The following DOCK4 variants were observed in gnomAD, a reference collection of about 807,000 sequenced individuals.
DOCK4 encodes dedicator of cytokinesis 4, also known as dedicator of cytokinesis protein 4.
DOCK4 carries 97 observed loss-of-function variants against 268.1 expected under a neutral mutation model. The observed-to-expected ratio is 0.36, with a 90% CI of 0.31 to 0.43. DOCK4 has a LOEUF of 0.43. DOCK4 is among the 20% of genes least tolerant of loss of function. DOCK4 has a pLI of 1.00. For missense variants in DOCK4, 2,145 were observed against 2,455.7 expected (o/e 0.87, Z 2.67); for synonymous variants, 954 against 887.2 (o/e 1.08, Z -1.34).
intron 16 of DOCK4, among the ~76,000 whole-genome samples, chr7:111,884,468 A>G (rs921013961): frequency 6.6e-6 from 1 of 152,236 alleles, no homozygotes; most frequent in Non-Finnish European, 1.5e-5. Context: ...TTTGAATTCA[A>G]GTAATTAATT....
chr7:112,110,540 C>T (rs1563094310), intron 1 of DOCK4, among the ~76,000 whole-genome samples: 1 of 152,210 alleles, frequency 6.6e-6, no homozygotes, highest in Admixed American at 6.5e-5. Context: ...ATGGTGAACA[C>T]GATCTTCAGG....
chr7:112,060,307 C>T (rs1372768760), intron 1 of DOCK4, among the ~76,000 whole-genome samples: 1 of 152,130 alleles, frequency 6.6e-6, no homozygotes, highest in African/African-American at 2.4e-5. Flanking sequence ...ATCAAAAAAA[C>T]CCCAGAAACT....
At chr7:111,868,446 C>G (rs1335360879) in intron 21 of DOCK4, among the ~76,000 whole-genome samples, 2 of 152,196 alleles carry the variant, frequency 1.3e-5, no homozygotes, top group Non-Finnish European at 2.9e-5. Flanking sequence ...CACGGTGGCT[C>G]ACGCCTGTAA....
At position 112,101,970 on chromosome 7, in the gene DOCK4, G is replaced by T. The variant is rs553597704; in HGVS notation, c.38-97839C>A. ...CCATTCTCCCGCCTCAGCCTCCGGAGTAGCTGGGACTACAGGCACCCGCCA... is the reference window on the plus strand; with the variant it reads ...CCATTCTCCCGCCTCAGCCTCCGGATTAGCTGGGACTACAGGCACCCGCCA... On this transcript the variant is annotated intron_variant, in intron 1 of 52. Transcript: ENST00000428084. Among the ~76,000 whole-genome samples the T allele has an allele frequency of 2.4e-3, 360 of 152,194 alleles. 2 individuals are homozygous for T. Among genetic ancestry groups the T allele is most frequent in the African/African-American group, 8.2e-3 (342 of 41,534 alleles).
intron 1 of DOCK4, among the ~76,000 whole-genome samples, chr7:112,063,671 T>C (rs1445774584): frequency 6.6e-6 from 1 of 152,130 alleles, no homozygotes; most frequent in African/African-American, 2.4e-5. Context: ...TGTACAATCA[T>C]AAGAAAAAAG....
chr7:112,115,783 G>A (rs1254281391), intron 1 of DOCK4, among the ~76,000 whole-genome samples: 1 of 152,202 alleles, frequency 6.6e-6, no homozygotes, highest in Non-Finnish European at 1.5e-5. Flanking sequence ...CTAGGCTCAA[G>A]TGATCCTCCT....
At chr7:111,870,895 A>G (rs749313915) in intron 20 of DOCK4, among the ~76,000 whole-genome samples, 10 of 152,158 alleles carry the variant, frequency 6.6e-5, no homozygotes, top group African/African-American at 2.2e-4. Context: ...ACCTCCTCAC[A>G]CTAGGGCCCA....
intron 8 of DOCK4, among the ~76,000 whole-genome samples, chr7:111,976,153 A>AT (rs1554400588): frequency 5.3e-5 from 4 of 75,358 alleles, no homozygotes; most frequent in African/African-American, 3.5e-4. Context: ...AAAAAAAAAA[A>AT]AAAAAAAAAT....
intron 23 of DOCK4, among the ~76,000 whole-genome samples, chr7:111,856,754 G>C (rs1805046449): frequency 6.6e-6 from 1 of 152,134 alleles, no homozygotes; most frequent in African/African-American, 2.4e-5. Context: ...AGCGGGAAGA[G>C]GAGGGGTGAG....
chr7:112,164,048 C>T (rs181875619), intron 1 of DOCK4, among the ~76,000 whole-genome samples: 319 of 152,236 alleles, frequency 2.1e-3, no homozygotes, highest in Non-Finnish European at 3.1e-3. Flanking sequence ...CTTTGGAAGG[C>T]TAAGGTGGAG....
chr7:112,114,534 A>G lies in DOCK4; in HGVS notation c.37+91568T>C, dbSNP rs1021040348. 2.5e-4 allele frequency among the ~76,000 whole-genome samples: 38 copies of G among 152,318 alleles called. 1 individual carries two copies. The highest frequency in any genetic ancestry group is 7.9e-4 in the African/African-American group (33 of 41,572). ...AGTCTACCAAGTAAAATGATATTCCATGAAAAAACTGTCTAGTTCACTTGT... is the reference window on the plus strand; with the variant it reads ...AGTCTACCAAGTAAAATGATATTCCGTGAAAAAACTGTCTAGTTCACTTGT... On this transcript the variant is annotated intron_variant, in intron 1 of 52. Transcript: ENST00000428084.
chr7:111,827,994 C>T (rs1802531602), intron 26 of DOCK4, among the ~76,000 whole-genome samples: 1 of 152,052 alleles, frequency 6.6e-6, no homozygotes, highest in African/African-American at 2.4e-5. Flanking sequence ...GCAAGATCCC[C>T]ACAGTTCTAT....
intron 1 of DOCK4, among the ~76,000 whole-genome samples, chr7:112,020,994 C>G (rs1049655298): frequency 1.5e-4 from 23 of 152,182 alleles, no homozygotes; most frequent in African/African-American, 5.3e-4. Context: ...GGGTCAACAA[C>G]AACAGCTGGA....
intron 1 of DOCK4, among the ~76,000 whole-genome samples, chr7:112,020,090 C>A (rs953782737): frequency 6.6e-6 from 1 of 152,208 alleles, no homozygotes; most frequent in African/African-American, 2.4e-5. Context: ...CTGAGTGTTT[C>A]TCAATCACCA....
At chr7:112,150,372 T>A (rs191081299) in intron 1 of DOCK4, among the ~76,000 whole-genome samples, 1 of 152,164 alleles carries the variant, frequency 6.6e-6, no homozygotes. Flanking sequence ...CCGTCAAGAA[T>A]GAGCACTTGT....
chr7:111,755,692 T>C, intron 41 of DOCK4, 91 bp from the exon 42 acceptor site: 1 of 1,165,206 alleles, frequency 8.6e-7, no homozygotes, highest in Non-Finnish European at 1.3e-6. Flanking sequence ...GTTACCAGGC[T>C]TTGCTTATTC....
rs149699686 is a variant in DOCK4, at chr7:112,117,151, C to T, written c.37+88951G>A. Among the ~76,000 whole-genome samples, 3 of 152,300 alleles carry T rather than the reference C, an allele frequency of 2.0e-5. No individual in the cohort carries two copies. In the East Asian group the frequency reaches 5.8e-4, roughly 29 times the overall value. On this transcript the variant is annotated intron_variant, in intron 1 of 52. Transcript: ENST00000428084. ...TGTTGTAAGCCACACCCATTGATAC[C>T]TGGTGTTAACAGCCTTCCTGGGAGT...
intron 1 of DOCK4, among the ~76,000 whole-genome samples, chr7:112,047,089 G>C (rs1324687633): frequency 2.0e-5 from 3 of 152,162 alleles, no homozygotes; most frequent in Non-Finnish European, 4.4e-5. Context: ...CATGGGGCCT[G>C]TTCCCATTAG....
At chr7:111,836,384 A>C (rs1803245101) in intron 25 of DOCK4, among the ~76,000 whole-genome samples, 1 of 152,130 alleles carries the variant, frequency 6.6e-6, no homozygotes, top group Non-Finnish European at 1.5e-5. Flanking sequence ...GTTTCCAATA[A>C]ATTTAACCTC....
Sources: gnomAD v4.1 joint callset for allele counts (sites outside exome capture counted in the v4.1 genomes callset) on GRCh38, gnomAD v4.1.1 for gene constraint, MANE v1.5 for transcripts, NCBI Gene and HGNC (gene_info 2026-07-23, HGNC 2026-07-21) for gene names.